MAD1L1: variants seen among roughly 807,000 people sequenced by gnomAD.
The protein encoded by MAD1L1 is mitotic arrest deficient 1 like 1, also known as mitotic spindle assembly checkpoint protein MAD1.
A neutral mutation model predicts 96.9 loss-of-function variants in MAD1L1; 95 were observed. That is an observed-to-expected ratio of 0.98 (90% CI 0.83 to 1.16). The LOEUF (loss-of-function observed/expected upper bound fraction) is 1.16. MAD1L1 is among the 50% of genes most tolerant of loss of function. The pLI is 0.00. For missense variants in MAD1L1, 1,007 were observed against 954.4 expected (o/e 1.06, Z -0.73); for synonymous variants, 473 against 396.6 (o/e 1.19, Z -2.29).
intron 11 of MAD1L1, among the ~76,000 whole-genome samples, chr7:2,095,969 A>G (rs1218680600): frequency 6.6e-6 from 1 of 152,248 alleles, no homozygotes; most frequent in Non-Finnish European, 1.5e-5. Flanking sequence ...GGGGAGACAC[A>G]GCAGGAGAGA....
At chr7:2,192,599 A>G (rs894576000) in intron 10 of MAD1L1, among the ~76,000 whole-genome samples, 1 of 152,210 alleles carries the variant, frequency 6.6e-6, no homozygotes, top group Admixed American at 6.5e-5. Flanking sequence ...AAGTGTGACT[A>G]TGCCCCAGGC....
At chr7:1,918,646 C>A (rs997636399) in intron 17 of MAD1L1, among the ~76,000 whole-genome samples, 2 of 152,230 alleles carry the variant, frequency 1.3e-5, no homozygotes, top group Non-Finnish European at 2.9e-5. Flanking sequence ...ACTCTAATTA[C>A]ACACCTAATT....
chr7:2,073,412 T>C (rs1785228284), intron 11 of MAD1L1, among the ~76,000 whole-genome samples: 1 of 152,142 alleles, frequency 6.6e-6, no homozygotes, highest in South Asian at 2.1e-4. Flanking sequence ...GGCACCCAGA[T>C]CTCTACGATC....
chr7:2,215,819 A>C (rs1052211998), intron 9 of MAD1L1, 66 bp downstream of exon 9: 122 of 1,462,524 alleles, frequency 8.3e-5, no homozygotes, highest in Non-Finnish European at 1.1e-4. Flanking sequence ...CGTGACCACA[A>C]TACCGAGGCT....
At chr7:2,227,821 G>A (rs556239310) in intron 3 of MAD1L1, among the ~76,000 whole-genome samples, 1 of 152,314 alleles carries the variant, frequency 6.6e-6, no homozygotes, top group East Asian at 1.9e-4. Flanking sequence ...GCCTGCAGGG[G>A]GCACGACCGG....
At chr7:1,938,785 C>T (rs1161032432) in intron 16 of MAD1L1, among the ~76,000 whole-genome samples, 2 of 125,694 alleles carry the variant, frequency 1.6e-5, no homozygotes, top group African/African-American at 3.1e-5. Context: ...CACACAGAGA[C>T]CAGGACTGGG....
chr7:1,956,906 C>G (rs898320417), intron 16 of MAD1L1, among the ~76,000 whole-genome samples: 1 of 152,216 alleles, frequency 6.6e-6, no homozygotes, highest in African/African-American at 2.4e-5. Flanking sequence ...GTAAGTGGTG[C>G]CTGCAGGGAT....
At chr7:1,912,798 C>T (rs1476021065) in intron 17 of MAD1L1, among the ~76,000 whole-genome samples, 2 of 152,218 alleles carry the variant, frequency 1.3e-5, no homozygotes, top group African/African-American at 4.8e-5. Flanking sequence ...GACCACAGAA[C>T]ACGGCCACCT....
intron 17 of MAD1L1, among the ~76,000 whole-genome samples, chr7:1,920,842 A>G (rs1356078570): frequency 2.0e-5 from 3 of 152,250 alleles, no homozygotes. Flanking sequence ...AACACTGTGT[A>G]TCCATTTAAA....
intron 11 of MAD1L1, among the ~76,000 whole-genome samples, chr7:2,137,283 G>A (rs1788800026): frequency 6.6e-6 from 1 of 152,204 alleles, no homozygotes; most frequent in African/African-American, 2.4e-5. Context: ...AAATGTTTGA[G>A]GAAATCTACA....
chr7:1,896,447 G>A (rs1331280718), intron 18 of MAD1L1, among the ~76,000 whole-genome samples: 2 of 152,234 alleles, frequency 1.3e-5, no homozygotes, highest in Admixed American at 6.5e-5. Context: ...GCAGGGCTGC[G>A]CTTCAGAAGC....
chr7:2,217,281 C>T (rs772064648), intron 7 of MAD1L1, among the ~76,000 whole-genome samples: 29 of 152,204 alleles, frequency 1.9e-4, no homozygotes, highest in South Asian at 4.1e-4. Flanking sequence ...CCAAACCAGA[C>T]GGTCATTCAA....
chr7:2,224,323 C>A (rs965624380), intron 4 of MAD1L1, among the ~76,000 whole-genome samples: 6 of 152,158 alleles, frequency 3.9e-5, no homozygotes, highest in African/African-American at 1.4e-4. Flanking sequence ...GACTCTCCCT[C>A]CCCTTCCCAC....
intron 5 of MAD1L1, chr7:2,220,776 A>C (rs889055994): frequency 8.6e-7 from 1 of 1,167,114 alleles, no homozygotes; most frequent in Non-Finnish European, 1.2e-6. Flanking sequence ...TTACTTCACC[A>C]CAACAGTGAA....
intron 17 of MAD1L1, among the ~76,000 whole-genome samples, chr7:1,909,778 C>T (rs542107724): frequency 2.8e-4 from 42 of 152,340 alleles, no homozygotes; most frequent in Middle Eastern, 3.4e-3. Context: ...AGAAGATGGT[C>T]GCTTCAACTC....
At chr7:1,941,452 G>A (rs1778993551) in intron 16 of MAD1L1, among the ~76,000 whole-genome samples, 1 of 152,246 alleles carries the variant, frequency 6.6e-6, no homozygotes, top group Non-Finnish European at 1.5e-5. Flanking sequence ...AATCAAAACA[G>A]AGAAAAGATA....
chr7:2,220,360 C>T (rs1162536076), intron 5 of MAD1L1, among the ~76,000 whole-genome samples: 1 of 152,236 alleles, frequency 6.6e-6, no homozygotes, highest in Non-Finnish European at 1.5e-5. Context: ...TGACCACTCC[C>T]ACCAGGCGAC....
chr7:2,156,216 G>C (rs1461659955), intron 10 of MAD1L1, among the ~76,000 whole-genome samples: 2 of 150,412 alleles, frequency 1.3e-5, no homozygotes, highest in East Asian at 2.0e-4. Flanking sequence ...ACGGTTTCAC[G>C]GCGCGTGTGG....
intron 13 of MAD1L1, among the ~76,000 whole-genome samples, chr7:2,004,274 G>A (rs1487247211): frequency 6.6e-6 from 1 of 152,168 alleles, no homozygotes; most frequent in Non-Finnish European, 1.5e-5. Context: ...AAAGCTCTGA[G>A]CTGGCCTGGG....
Sources: allele counts gnomAD v4.1 joint callset (sites outside exome capture counted in the v4.1 genomes callset), GRCh38; gene constraint gnomAD v4.1.1; transcripts MANE v1.5; gene names NCBI Gene and HGNC (gene_info 2026-07-23, HGNC 2026-07-21).